CBX7: variants seen among roughly 807,000 people sequenced by gnomAD.
CBX7 encodes the protein chromobox 7, also known as chromobox protein homolog 7.
Under a neutral mutation model 31.4 loss-of-function variants are expected in CBX7, and 14 were observed. The ratio of observed to expected loss-of-function variants is 0.45; its 90% CI spans 0.29 to 0.70. The LOEUF (loss-of-function observed/expected upper bound fraction) is 0.70. CBX7 is among the 30% of genes least tolerant of loss of function. CBX7 has a pLI of 0.11. For missense variants in CBX7, 269 were observed against 351.9 expected, an observed-to-expected ratio of 0.76 and a Z score of 1.89; for synonymous variants, 159 against 152.6, an observed-to-expected ratio of 1.04 and a Z score of -0.31.
chr22:39,134,224 A>G, intron 5 of CBX7, 176 bp from the exon 6 acceptor site: 1 of 854,088 alleles, frequency 1.2e-6, no homozygotes, highest in Admixed American at 2.9e-5. Flanking sequence ...CACCTAGACA[A>G]GAGCTCAGCC....
Position 39,132,149 on chromosome 22 carries a change from G to A in CBX7, c.*1742C>T, listed in dbSNP as rs940519985. On this transcript the variant is annotated 3_prime_UTR_variant, in exon 6 of 6. Transcript: ENST00000216133. ...AAAGATCGAGGAGGAAGGAAAGAGA[G>A]ACTCAGGGATCTGGGAAGCCTGTCA... 1 of 152,352 alleles carries A rather than the reference G, an allele frequency of 6.6e-6. No homozygotes were observed. Among genetic ancestry groups the A allele is most frequent in the African/African-American group, 2.4e-5 (1 of 41,456 alleles). 9.4% of individuals were successfully genotyped at this position (152,352 alleles called of 1,614,324 possible).
At chr22:39,148,319 G>T (rs569550692) in intron 2 of CBX7, 1 of 152,276 alleles carries the variant, frequency 6.6e-6, no homozygotes, top group Non-Finnish European at 1.5e-5. Context: ...CAATCAAAGT[G>T]GGGGAAGGAA....
rs1157867296 is a variant in CBX7, at chr22:39,134,776, G to A, written c.247-24C>T. On this transcript the variant is annotated intron_variant, in intron 4 of 5. Transcript: ENST00000216133. Reference sequence around the variant, plus strand: ...CGCTGCGGGGGCAAGCCAGGGCAGCGCGGGTCAGCCCCACCCTCCCACCCG... The same window carrying A: ...CGCTGCGGGGGCAAGCCAGGGCAGCACGGGTCAGCCCCACCCTCCCACCCG... 9.8e-6 allele frequency: 14 copies of A among 1,423,044 alleles called. No homozygotes were observed. The Admixed American group carries it at 2.2e-4, about 22-fold the overall frequency. 88.2% of individuals were successfully genotyped at this position (1,423,044 alleles called of 1,614,324 possible). A position where few individuals can be genotyped will look rare whatever the true frequency, so the allele number is the denominator to read the frequency against.
Position 39,152,328 on chromosome 22 carries a change from G to C in CBX7, c.69+48C>G, listed in dbSNP as rs771179283. ...GCGTGGAGGGAGCGGTGCTGGGGAC[G>C]GGAGGGACCCCACTGGGGTCCTGGG... On this transcript the variant is annotated intron_variant, in intron 1 of 5. Transcript: ENST00000216133. The surrounding 1 kb of genome is among the most constrained non-coding windows in gnomAD (Gnocchi z 4.9). 4 of 1,262,778 alleles carry C rather than the reference G, an allele frequency of 3.2e-6. No individual in the cohort carries two copies. In the South Asian group the frequency reaches 5.5e-5, roughly 17 times the overall value. 78.2% of individuals were successfully genotyped at this position (1,262,778 alleles called of 1,614,324 possible). A position where few individuals can be genotyped will look rare whatever the true frequency, so the allele number is the denominator to read the frequency against.
chr22:39,148,412 T>C (rs894143378), intron 2 of CBX7: 1 of 152,192 alleles, frequency 6.6e-6, no homozygotes, highest in Non-Finnish European at 1.5e-5. Flanking sequence ...TAGCCAATAG[T>C]GTCCTGAAGG....
intron 3 of CBX7, chr22:39,141,055 C>T (rs1171280474): frequency 6.2e-6 from 2 of 323,276 alleles, no homozygotes; most frequent in Non-Finnish European, 1.2e-5. Flanking sequence ...GAACAGAAAC[C>T]TCTTACGGCC....
chr22:39,151,967 C>G (rs1395732064), intron 1 of CBX7, among the ~76,000 whole-genome samples: 1 of 152,166 alleles, frequency 6.6e-6, no homozygotes, highest in African/African-American at 2.4e-5. Flanking sequence ...CAAAGCTCCA[C>G]TTACAACTTG....
intron 4 of CBX7, among the ~76,000 whole-genome samples, chr22:39,138,044 G>A (rs991774987): frequency 6.6e-5 from 10 of 152,140 alleles, no homozygotes; most frequent in African/African-American, 2.4e-4. Flanking sequence ...AGCCAGGCGT[G>A]GTGGCGGGCG....
chr22:39,134,473 C>T lies in CBX7; in HGVS notation c.526G>A (p.Glu176Lys). The change falls in exon 5 of 6, where the codon GAG (glutamate) becomes AAG (lysine). Residue 176 changes from glutamate (E) to lysine (K), a missense_variant. Coordinates refer to ENST00000216133, the MANE Select transcript of CBX7 (RefSeq NM_175709.5). ...TGCAGGACGTCTGGGGCCGGTGGCT[C>T]CTGCAGGAAGAGCTCCCGTCGATGG... ...HSHRRELFLQ[E>K]PPAPDVLQAA... is the part of the protein sequence containing the mutation. The T allele has an allele frequency of 6.2e-7, 1 of 1,609,624 alleles. No homozygotes were observed.
chr22:39,145,199 C>T (rs373577083), intron 2 of CBX7, among the ~76,000 whole-genome samples: 24 of 152,312 alleles, frequency 1.6e-4, no homozygotes, highest in African/African-American at 5.8e-4. Flanking sequence ...ACTTGGCTGC[C>T]GAGTGCAGCC....
chr22:39,141,306 G>A, intron 3 of CBX7, 65 bp downstream of exon 3: 1 of 1,435,280 alleles, frequency 7.0e-7, no homozygotes, highest in Non-Finnish European at 9.6e-7. Context: ...CAAGCCAGCA[G>A]CAGGCTCCTG....
chr22:39,146,022 G>A (rs1930649612), intron 2 of CBX7, among the ~76,000 whole-genome samples: 1 of 152,134 alleles, frequency 6.6e-6, no homozygotes, highest in African/African-American at 2.4e-5. Context: ...GCAGAGCCAG[G>A]CCAACCCCCA....
At chr22:39,136,406 G>C (rs1930255698) in intron 4 of CBX7, 2 of 152,510 alleles carry the variant, frequency 1.3e-5, no homozygotes, top group African/African-American at 4.8e-5. Context: ...GGGCATAAAA[G>C]ACACTGTGGC....
chr22:39,152,347 T>G lies in CBX7; in HGVS notation c.69+29A>C. 1 of 1,362,392 alleles carries G rather than the reference T, an allele frequency of 7.3e-7. No individual in the cohort carries two copies. The highest frequency in any genetic ancestry group is 9.5e-7 in the Non-Finnish European group (1 of 1,048,444). The allele number at this position is 1,362,392 out of a possible 1,614,324, so 84.4% of individuals were successfully genotyped here. On this transcript the variant is annotated intron_variant, in intron 1 of 5. Coordinates refer to ENST00000216133, the MANE Select transcript of CBX7 (RefSeq NM_175709.5). This position sits in a 1 kb window ranked among gnomAD's most constrained non-coding sequence, Gnocchi z 4.9. ...GGGGACGGGAGGGACCCCACTGGGG[T>G]CCTGGGAGCCGCCCCCGGGCAGCCT...
In CBX7 at chr22:39,145,273, GCCGCGCCGCA is replaced by G. The variant is rs934695641; in HGVS notation, c.114-3847_114-3838del. ...TTTGGACCCAGCCGGTAAGGAGGAC[GCCGCGCCGCA>G]CCGCGCCGCGCCCTCCGCAGTGCAG... On this transcript the variant is annotated intron_variant, in intron 2 of 5. Transcript: ENST00000216133. Among the ~76,000 whole-genome samples, 691 of 151,444 alleles carry G rather than the reference GCCGCGCCGCA, an allele frequency of 4.6e-3. 4 individuals are homozygous for G. Among genetic ancestry groups the G allele is most frequent in the Non-Finnish European group, 7.6e-3 (514 of 67,982 alleles).
At chr22:39,141,992 T>C (rs1181373752) in intron 2 of CBX7, among the ~76,000 whole-genome samples, 1 of 152,054 alleles carries the variant, frequency 6.6e-6, no homozygotes, top group African/African-American at 2.4e-5. Flanking sequence ...CCACAATCAC[T>C]AGAGACCCTC....
At chr22:39,149,720 A>T (rs1273272072) in intron 2 of CBX7, 69 bp downstream of exon 2, 6 of 1,412,110 alleles carry the variant, frequency 4.2e-6, no homozygotes, top group Non-Finnish European at 6.0e-6. Context: ...GGGAGGGGGC[A>T]AAAGGCAGGT....
At chr22:39,142,024 C>T (rs1010449064) in intron 2 of CBX7, among the ~76,000 whole-genome samples, 4 of 152,132 alleles carry the variant, frequency 2.6e-5, no homozygotes, top group East Asian at 1.9e-4. Flanking sequence ...GGAGAGAGGG[C>T]GCCTGTAAGC....
rs1286062439 is a variant in CBX7, at chr22:39,131,363, G to A, written c.*2528C>T. 2.6e-5 allele frequency: 4 copies of A among 152,780 alleles called. No homozygotes were observed. Among genetic ancestry groups the A allele is most frequent in the Non-Finnish European group, 5.9e-5 (4 of 68,152 alleles). The allele number at this position is 152,780 out of a possible 1,614,324, so 9.5% of individuals were successfully genotyped here. A position where few individuals can be genotyped will look rare whatever the true frequency, so the allele number is the denominator to read the frequency against. The stretch of plus-strand genomic sequence containing the variant: ...ACCCCCAAGAGTACTGGCCTTTTAA[G>A]AGGGCTGCGGGGGTGGAGGTCACTG... On this transcript the variant is annotated 3_prime_UTR_variant, in exon 6 of 6. Coordinates refer to ENST00000216133, the MANE Select transcript of CBX7 (RefSeq NM_175709.5).
Sources: allele counts gnomAD v4.1 joint callset (sites outside exome capture counted in the v4.1 genomes callset), GRCh38; gene constraint gnomAD v4.1.1; non-coding constraint Gnocchi (gnomAD v3.1); transcripts MANE v1.5; gene names NCBI Gene and HGNC (gene_info 2026-07-23, HGNC 2026-07-21).